The following CHCHD6 variants were observed in gnomAD, a reference collection of about 807,000 sequenced individuals.
CHCHD6 encodes coiled-coil-helix-coiled-coil-helix domain containing 6.
A neutral mutation model predicts 32.3 loss-of-function variants in CHCHD6; 28 were observed. The observed-to-expected ratio is 0.87, with a 90% CI of 0.64 to 1.19. CHCHD6 has a LOEUF of 1.19. CHCHD6 is among the 50% of genes most tolerant of loss of function. The pLI, the probability that CHCHD6 is intolerant of heterozygous loss-of-function variation, is 0.00. For missense variants in CHCHD6, 333 were observed against 307.0 expected, an observed-to-expected ratio of 1.08 and a Z score of -0.63; for synonymous variants, 122 against 117.5, an observed-to-expected ratio of 1.04 and a Z score of -0.25.
At chr3:126,830,685 G>A (rs750908656) in intron 4 of CHCHD6, among the ~76,000 whole-genome samples, 1 of 152,172 alleles carries the variant, frequency 6.6e-6, no homozygotes, top group Non-Finnish European at 1.5e-5. Flanking sequence ...TTGTCCGCAC[G>A]GTTTTCTTAT....
chr3:126,867,080 A>C (rs1942313240), intron 5 of CHCHD6, among the ~76,000 whole-genome samples: 1 of 152,198 alleles, frequency 6.6e-6, no homozygotes, highest in South Asian at 2.1e-4. Flanking sequence ...GCCTTGTTGC[A>C]TACACTTAGG....
intron 4 of CHCHD6, among the ~76,000 whole-genome samples, chr3:126,753,694 T>A (rs1202919391): frequency 6.6e-6 from 1 of 152,228 alleles, no homozygotes; most frequent in Non-Finnish European, 1.5e-5. Flanking sequence ...GCCCAGAGTT[T>A]CGTGGGCTGC....
chr3:126,850,006 A>G (rs1941417287), intron 4 of CHCHD6, among the ~76,000 whole-genome samples: 1 of 152,038 alleles, frequency 6.6e-6, no homozygotes, highest in Non-Finnish European at 1.5e-5. Flanking sequence ...CATACTTCAC[A>G]GCCAGATCAG....
At chr3:126,829,654 A>G (rs1940551984) in intron 4 of CHCHD6, among the ~76,000 whole-genome samples, 1 of 151,928 alleles carries the variant, frequency 6.6e-6, no homozygotes, top group South Asian at 2.1e-4. Context: ...GAATTAGAAA[A>G]AACAAGAGTT....
chr3:126,766,531 A>G, intron 4 of CHCHD6: 1 of 874,960 alleles, frequency 1.1e-6, no homozygotes. Context: ...TGAGTAGCCC[A>G]TGGTGACCTC....
At chr3:126,945,911 A>G (rs1197859077) in intron 6 of CHCHD6, among the ~76,000 whole-genome samples, 2 of 152,004 alleles carry the variant, frequency 1.3e-5, no homozygotes, top group African/African-American at 4.8e-5. Flanking sequence ...CTCTAAGACG[A>G]CAGGGGGTGG....
rs527618415 is a variant in CHCHD6, at chr3:126,798,096, CAG to C, written c.412-54548_412-54547del. On this transcript the variant is annotated intron_variant, in intron 4 of 7. Coordinates refer to ENST00000290913, the MANE Select transcript of CHCHD6 (RefSeq NM_032343.3). ...CACAGTTTGAAGCACAGAATTATAA[CAG>C]AGGGGTGGCAGGAGGGAAAAGCAAG... is the stretch of plus-strand genomic sequence containing the variant. 3.3e-4 allele frequency among the ~76,000 whole-genome samples: 50 copies of C among 152,194 alleles called. No homozygotes were observed. In the East Asian group the frequency reaches 9.5e-3, roughly 29 times the overall value.
intron 4 of CHCHD6, among the ~76,000 whole-genome samples, chr3:126,811,025 T>C (rs764614611): frequency 1.3e-5 from 2 of 152,198 alleles, no homozygotes; most frequent in Non-Finnish European, 2.9e-5. Context: ...GATGTGTCTG[T>C]AAAATGTGTG....
chr3:126,819,976 G>A (rs745805038), intron 4 of CHCHD6, among the ~76,000 whole-genome samples: 1 of 152,316 alleles, frequency 6.6e-6, no homozygotes, highest in South Asian at 2.1e-4. Flanking sequence ...CTGTAGCTTA[G>A]TGGGAAGAAC....
intron 4 of CHCHD6, among the ~76,000 whole-genome samples, chr3:126,820,164 T>G (rs1430446644): frequency 6.6e-6 from 1 of 152,248 alleles, no homozygotes; most frequent in Non-Finnish European, 1.5e-5. Context: ...GAGCTGTATT[T>G]TCTTTCTTTG....
chr3:126,833,287 T>C (rs1940715124), intron 4 of CHCHD6, among the ~76,000 whole-genome samples: 1 of 152,226 alleles, frequency 6.6e-6, no homozygotes. Flanking sequence ...ATACTGTGAC[T>C]GGCTCCAACC....
At chr3:126,873,938 A>T (rs1266075783) in intron 5 of CHCHD6, among the ~76,000 whole-genome samples, 1 of 152,200 alleles carries the variant, frequency 6.6e-6, no homozygotes, top group African/African-American at 2.4e-5. Context: ...CTGGCTTCAC[A>T]TCTCTACCCT....
At chr3:126,925,158 C>T (rs768404038) in intron 6 of CHCHD6, among the ~76,000 whole-genome samples, 3 of 152,204 alleles carry the variant, frequency 2.0e-5, no homozygotes, top group Non-Finnish European at 4.4e-5. Flanking sequence ...TGTCCTGTCA[C>T]CACGAATAAT....
intron 4 of CHCHD6, among the ~76,000 whole-genome samples, chr3:126,807,061 G>C (rs1302309665): frequency 8.8e-6 from 1 of 113,736 alleles, no homozygotes; most frequent in East Asian, 3.2e-4. Context: ...GGTGGGGGGA[G>C]GGGGGAGGGA....
intron 4 of CHCHD6, among the ~76,000 whole-genome samples, chr3:126,787,231 T>A (rs35234757): frequency 0.99 from 148,267 of 149,968 alleles, 73,311 homozygotes; most frequent in East Asian, 1. Context: ...ACTGTAGCCT[T>A]GTAGTATAGT....
intron 4 of CHCHD6, among the ~76,000 whole-genome samples, chr3:126,834,299 A>G (rs1426425769): frequency 6.6e-6 from 1 of 152,206 alleles, no homozygotes; most frequent in Non-Finnish European, 1.5e-5. Flanking sequence ...AAGAATAATT[A>G]GAATAATTAT....
Position 126,946,712 on chromosome 3 carries a change from C to T in CHCHD6, c.567-10704C>T, listed in dbSNP as rs1010893641. Among the ~76,000 whole-genome samples, 7 of 152,168 alleles carry T rather than the reference C, an allele frequency of 4.6e-5. No individual in the cohort carries two copies. The East Asian group carries it at 5.8e-4, about 13-fold the overall frequency. On this transcript the variant is annotated intron_variant, in intron 6 of 7. Transcript: ENST00000290913. ...CTTAGTAACCAGCTGGTCTCATCAG[C>T]GCCTCAGCCCTAGCCACGGGTTAAA... is the stretch of plus-strand genomic sequence containing the variant.
At chr3:126,842,513 G>A (rs1307499718) in intron 4 of CHCHD6, among the ~76,000 whole-genome samples, 4 of 152,150 alleles carry the variant, frequency 2.6e-5, no homozygotes, top group Non-Finnish European at 5.9e-5. Context: ...TGCTGACCTG[G>A]GAGTCAGGAA....
intron 1 of CHCHD6, among the ~76,000 whole-genome samples, chr3:126,724,516 G>A (rs540174779): frequency 6.6e-6 from 1 of 152,268 alleles, no homozygotes; most frequent in South Asian, 2.1e-4. Flanking sequence ...TTTGCTGGTG[G>A]GGGGTCTTGC....
Sources: allele counts gnomAD v4.1 joint callset (sites outside exome capture counted in the v4.1 genomes callset), GRCh38; gene constraint gnomAD v4.1.1; transcripts MANE v1.5; gene names NCBI Gene and HGNC (gene_info 2026-07-23, HGNC 2026-07-21).